HDHD5: variants seen among roughly 807,000 people sequenced by gnomAD.
HDHD5 encodes haloacid dehalogenase-like hydrolase domain-containing 5.
In HDHD5, 34 loss-of-function variants were observed where a neutral mutation model predicts 35.5. The ratio of observed to expected loss-of-function variants is 0.96; its 90% CI spans 0.73 to 1.28. The LOEUF (loss-of-function observed/expected upper bound fraction) is 1.28. Ranked by LOEUF, HDHD5 falls within the 50% of genes most tolerant of loss-of-function variation. HDHD5 has a pLI of 0.00. For synonymous variants in HDHD5, 248 were observed against 240.6 expected (o/e 1.03, Z -0.29); for missense variants, 589 against 560.2 (o/e 1.05, Z -0.52).
At chr22:17,153,057 G>A (rs2061747224) in intron 1 of HDHD5, among the ~76,000 whole-genome samples, 3 of 152,132 alleles carry the variant, frequency 2.0e-5, no homozygotes, top group Admixed American at 6.6e-5. Flanking sequence ...ACGCCACACA[G>A]GAAATGCCTG....
Position 17,164,418 on chromosome 22 carries a change from A to C in HDHD5, c.36+791T>G, listed in dbSNP as rs116120704. On this transcript the variant is annotated intron_variant, in intron 1 of 7. Transcript: ENST00000155674. ...AAGAGCAGTGGCTTAGATAAGAAAG[A>C]AATGTGTTTCTCTCACATAAACGAA... Among the ~76,000 whole-genome samples, 803 of 152,338 alleles carry C rather than the reference A, an allele frequency of 5.3e-3. 5 individuals carry two copies. The highest frequency in any genetic ancestry group is 0.018 in the African/African-American group (759 of 41,584).
At chr22:17,161,259 A>G (rs1026147460), upstream of HDHD5, among the ~76,000 whole-genome samples, 3 of 147,860 alleles carry the variant, frequency 2.0e-5, no homozygotes, top group Admixed American at 1.4e-4. Context: ...AAAAAAAAAA[A>G]AAGAAAGAAG....
intron 2 of HDHD5, among the ~76,000 whole-genome samples, chr22:17,149,169 GT>G (rs1165895449): frequency 6.6e-6 from 1 of 152,152 alleles, no homozygotes; most frequent in African/African-American, 2.4e-5. Flanking sequence ...ATGCATCAAA[GT>G]TGGGATATGG....
chr22:17,157,635 T>C lies in HDHD5; in HGVS notation c.126+1491A>G, dbSNP rs1601404599. ...ACAACAGTTATAAATAAGGGCGATA[T>C]TTCCTTATATTTATATCCTGACAGT... On this transcript the variant is annotated intron_variant, in intron 1 of 7. Transcript: ENST00000336737. Among the ~76,000 whole-genome samples the C allele has an allele frequency of 3.3e-5, 5 of 152,324 alleles. No homozygotes were observed. The East Asian group carries it at 7.7e-4, about 23-fold the overall frequency.
chr22:17,161,415 C>G (rs2061863083), upstream of HDHD5, among the ~76,000 whole-genome samples: 1 of 150,246 alleles, frequency 6.7e-6, no homozygotes, highest in African/African-American at 2.5e-5. Flanking sequence ...AAAAATTAGC[C>G]AGGCATGGTG....
upstream of HDHD5, among the ~76,000 whole-genome samples, chr22:17,163,132 T>A (rs2061873805): frequency 6.6e-6 from 1 of 152,248 alleles, no homozygotes; most frequent in South Asian, 2.1e-4. Flanking sequence ...GTTGTACAAA[T>A]GGACCGTGGA....
At chr22:17,159,413 C>T, upstream of HDHD5, 3 of 753,618 alleles carry the variant, frequency 4.0e-6, no homozygotes, top group Non-Finnish European at 6.1e-6. Context: ...ACCCGCAGGC[C>T]AAAGGGGCTC....
At chr22:17,155,242 T>G (rs1205502040) in intron 1 of HDHD5, among the ~76,000 whole-genome samples, 1 of 151,880 alleles carries the variant, frequency 6.6e-6, no homozygotes, top group Admixed American at 6.6e-5. Flanking sequence ...TTTTTTTTTT[T>G]TTTTTGTTTG....
chr22:17,147,356 C>T (rs2061673867), intron 3 of HDHD5, among the ~76,000 whole-genome samples: 2 of 108,366 alleles, frequency 1.8e-5, no homozygotes, highest in African/African-American at 7.6e-5. Flanking sequence ...ACACCTGTGG[C>T]GCACTCCTGT....
Position 17,155,979 on chromosome 22 carries a change from CGCCAA to C in HDHD5, c.126+3142_126+3146del, listed in dbSNP as rs2061785274. The stretch of plus-strand genomic sequence containing the variant: ...AAAAAGTCTGAAACATGAACTCCAA[CGCCAA>C]AAGGTTTTCATTACTAGAGAAGAAT... On this transcript the variant is annotated intron_variant, in intron 1 of 7. Transcript: ENST00000336737. Among the ~76,000 whole-genome samples, 6 of 152,268 alleles carry C rather than the reference CGCCAA, an allele frequency of 3.9e-5. No homozygotes were observed. The Middle Eastern group carries it at 0.01, about 259-fold the overall frequency.
chr22:17,164,365 G>A (rs558721038), intron 1 of HDHD5, among the ~76,000 whole-genome samples: 3 of 152,266 alleles, frequency 2.0e-5, no homozygotes, highest in East Asian at 3.9e-4. Flanking sequence ...TTAGGATTAG[G>A]TTTGGCTGTA....
rs1195265282 is a variant in HDHD5 at position 17,137,728 on chromosome 22, GAGA to G, written c.*290_*292del. The G allele has an allele frequency of 1.3e-5, 5 of 374,734 alleles. No individual in the cohort carries two copies. Among genetic ancestry groups the G allele is most frequent in the Non-Finnish European group, 2.5e-5 (5 of 203,990 alleles). The allele number at this position is 374,734 out of a possible 1,614,324, so 23.2% of individuals were successfully genotyped here. A position where few individuals can be genotyped will look rare whatever the true frequency, so the allele number is the denominator to read the frequency against. The stretch of plus-strand genomic sequence containing the variant: ...CCATTTCAGAAGTCCCTACTGAAAT[GAGA>G]AGGACACTGAGGCACACAGGGGAAG... On this transcript the variant is annotated 3_prime_UTR_variant, in exon 8 of 8. Coordinates refer to ENST00000336737, the MANE Select transcript of HDHD5 (RefSeq NM_033070.3).
At chr22:17,149,455 A>C in intron 2 of HDHD5, 87 bp downstream of exon 2, 2 of 1,307,568 alleles carry the variant, frequency 1.5e-6, no homozygotes, top group Non-Finnish European at 2.2e-6. Flanking sequence ...CCATATCCCA[A>C]CCCAGGGGAA....
At chr22:17,145,316 G>A (rs1448659199) in intron 3 of HDHD5, 199 bp from the exon 4 acceptor site, 1 of 432,120 alleles carries the variant, frequency 2.3e-6, no homozygotes, top group Non-Finnish European at 3.1e-6. Flanking sequence ...GAGTAGAGAG[G>A]GCAGCTCCTG....
intron 1 of HDHD5, among the ~76,000 whole-genome samples, chr22:17,155,137 A>G (rs2061773003): frequency 6.6e-6 from 1 of 152,100 alleles, no homozygotes. Context: ...GAAAACTTAC[A>G]TAGTTAAAAA....
chr22:17,145,868 T>C (rs1304831505), intron 3 of HDHD5, among the ~76,000 whole-genome samples: 1 of 152,028 alleles, frequency 6.6e-6, no homozygotes, highest in Non-Finnish European at 1.5e-5. Flanking sequence ...TCTTAAAGGA[T>C]GAACCCAAAT....
At chr22:17,154,374 C>T (rs1228379697) in intron 1 of HDHD5, among the ~76,000 whole-genome samples, 15 of 39,782 alleles carry the variant, frequency 3.8e-4, no homozygotes, top group Non-Finnish European at 9.1e-5. Flanking sequence ...CCCAGCTACT[C>T]GGAAGGCTGA....
At chr22:17,155,535 GC>G (rs112926615) in intron 1 of HDHD5, among the ~76,000 whole-genome samples, 13 of 152,012 alleles carry the variant, frequency 8.6e-5, no homozygotes, top group African/African-American at 2.7e-4. Flanking sequence ...ATGACCCACC[GC>G]GCCCGGCCCA....
At chr22:17,160,983 G>T (rs35802830), upstream of HDHD5, among the ~76,000 whole-genome samples, 1 of 152,040 alleles carries the variant, frequency 6.6e-6, no homozygotes, top group African/African-American at 2.4e-5. Context: ...AGCCAGGCGC[G>T]GTGGCTCACA....
Sources: allele counts gnomAD v4.1 joint callset (sites outside exome capture counted in the v4.1 genomes callset), GRCh38; gene constraint gnomAD v4.1.1; transcripts MANE v1.5; gene names NCBI Gene and HGNC (gene_info 2026-07-23, HGNC 2026-07-21).